Variants in GABRB2 observed in about 807,000 individuals in gnomAD.
GABRB2 encodes gamma-aminobutyric acid receptor subunit beta-2.
GABRB2 carries 16 observed loss-of-function variants against 54.7 expected under a neutral mutation model. The ratio of observed to expected loss-of-function variants is 0.29; its 90% CI spans 0.20 to 0.44. The LOEUF is 0.44. GABRB2 is among the 20% of genes least tolerant of loss of function. The probability of loss-of-function intolerance (pLI) is 1.00; values close to 1 mark genes in which losing one functional copy is unlikely to be tolerated. For synonymous variants in GABRB2, 244 were observed against 233.8 expected, an observed-to-expected ratio of 1.04 and a Z score of -0.40; for missense variants, 355 against 644.0, an observed-to-expected ratio of 0.55 and a Z score of 4.86.
intron 3 of GABRB2, among the ~76,000 whole-genome samples, chr5:161,532,459 G>A (rs928425960): frequency 7.9e-5 from 12 of 151,986 alleles, no homozygotes; most frequent in East Asian, 1.9e-4. Context: ...ACGCCATCTC[G>A]GACCTACTGA....
chr5:161,525,413 G>A (rs1038728832), intron 3 of GABRB2, among the ~76,000 whole-genome samples: 1 of 151,132 alleles, frequency 6.6e-6, no homozygotes, highest in Non-Finnish European at 1.5e-5. Flanking sequence ...AGTAAAAAAG[G>A]TCTTTCAATT....
At chr5:161,346,763 A>T (rs1031300394) in intron 5 of GABRB2, among the ~76,000 whole-genome samples, 4 of 152,150 alleles carry the variant, frequency 2.6e-5, no homozygotes, top group Non-Finnish European at 5.9e-5. Flanking sequence ...ATGAACCCTT[A>T]TCTGTGCTAT....
At chr5:161,306,991 A>G (rs2113355873) in intron 9 of GABRB2, among the ~76,000 whole-genome samples, 1 of 152,342 alleles carries the variant, frequency 6.6e-6, no homozygotes, top group East Asian at 1.9e-4. Flanking sequence ...ACTAACTGCA[A>G]AAAGCATTTA....
chr5:161,527,305 A>G (rs868748877), intron 3 of GABRB2, among the ~76,000 whole-genome samples: 36 of 151,558 alleles, frequency 2.4e-4, no homozygotes, highest in African/African-American at 8.0e-4. Context: ...CTACCTGTCT[A>G]CCTATCAGTA....
chr5:161,525,885 T>A (rs560764508), intron 3 of GABRB2, among the ~76,000 whole-genome samples: 31 of 151,310 alleles, frequency 2.0e-4, no homozygotes, highest in African/African-American at 7.5e-4. Context: ...TACCCAAATT[T>A]ATATATATAT....
chr5:161,360,007 G>A (rs374087437), intron 5 of GABRB2, among the ~76,000 whole-genome samples: 12 of 152,070 alleles, frequency 7.9e-5, no homozygotes, highest in African/African-American at 2.4e-4. Context: ...CTTGAACCCC[G>A]GAGGCGGAGG....
intron 5 of GABRB2, among the ~76,000 whole-genome samples, chr5:161,370,874 G>A (rs1311178358): frequency 6.6e-6 from 1 of 152,130 alleles, no homozygotes; most frequent in East Asian, 1.9e-4. Flanking sequence ...ATGTGAACAA[G>A]TAACCCCAGA....
intron 3 of GABRB2, among the ~76,000 whole-genome samples, chr5:161,501,896 C>T (rs990763943): frequency 6.7e-6 from 1 of 148,162 alleles, no homozygotes; most frequent in African/African-American, 2.5e-5. Context: ...TCTTAATAAA[C>T]ATTTCATTAT....
intron 3 of GABRB2, among the ~76,000 whole-genome samples, chr5:161,492,926 CA>C (rs968919416): frequency 1.1e-4 from 16 of 151,634 alleles, no homozygotes; most frequent in African/African-American, 3.9e-4. Context: ...TTTCTTCTCC[CA>C]TTGACAGATT....
At chr5:161,546,268 C>T in intron 2 of GABRB2, 54 bp downstream of exon 2, 1 of 1,453,022 alleles carries the variant, frequency 6.9e-7, no homozygotes, top group Non-Finnish European at 9.7e-7. Context: ...GCGCACAAAG[C>T]TCAAAAGACA....
chr5:161,456,948 C>T (rs1561656984), intron 4 of GABRB2, among the ~76,000 whole-genome samples: 1 of 152,050 alleles, frequency 6.6e-6, no homozygotes, highest in Non-Finnish European at 1.5e-5. Context: ...TAAAATGGAG[C>T]TAGAAATTAA....
At chr5:161,327,058 A>G in intron 8 of GABRB2, 1 of 605,268 alleles carries the variant, frequency 1.7e-6, no homozygotes, top group Non-Finnish European at 2.1e-6. Context: ...ACACACACAC[A>G]CACACACACA....
chr5:161,316,715 G>A lies in GABRB2; in HGVS notation c.1191+9653C>T, dbSNP rs185776598. 1.4e-3 allele frequency among the ~76,000 whole-genome samples: 214 copies of A among 152,064 alleles called. 1 individual carries two copies. Among genetic ancestry groups the A allele is most frequent in the African/African-American group, 4.8e-3 (201 of 41,490 alleles). ...CCACCTCCATCTCCTGGGTTCAAGC[G>A]ATTCTCCTGCCTCAGCCTCCTGAGT... On this transcript the variant is annotated intron_variant, in intron 9 of 9. Transcript: ENST00000393959.
chr5:161,311,842 A>C (rs959772083), intron 9 of GABRB2, among the ~76,000 whole-genome samples: 2 of 152,230 alleles, frequency 1.3e-5, no homozygotes, highest in Non-Finnish European at 1.5e-5. Context: ...AAAGATGAAG[A>C]AGCACGGGGC....
chr5:161,389,123 T>A (rs538288388), intron 5 of GABRB2, among the ~76,000 whole-genome samples: 1 of 152,154 alleles, frequency 6.6e-6, no homozygotes, highest in Admixed American at 6.6e-5. Context: ...ATTGTTAAAC[T>A]AGACAATGTG....
intron 5 of GABRB2, among the ~76,000 whole-genome samples, chr5:161,396,238 T>A (rs1459735785): frequency 6.6e-6 from 1 of 152,148 alleles, no homozygotes; most frequent in African/African-American, 2.4e-5. Flanking sequence ...GTAAACCCCA[T>A]CCATTCCTTC....
intron 5 of GABRB2, among the ~76,000 whole-genome samples, chr5:161,354,763 T>G (rs1405172483): frequency 6.6e-6 from 1 of 152,086 alleles, no homozygotes; most frequent in Non-Finnish European, 1.5e-5. Flanking sequence ...TTGATCTGAC[T>G]GTGTTCCTGC....
chr5:161,359,466 C>G (rs1386055647), intron 5 of GABRB2, among the ~76,000 whole-genome samples: 1 of 151,536 alleles, frequency 6.6e-6, no homozygotes, highest in African/African-American at 2.4e-5. Context: ...CACACACACA[C>G]AGAGATTGCT....
chr5:161,456,913 T>A (rs562086637), intron 4 of GABRB2, among the ~76,000 whole-genome samples: 18 of 152,252 alleles, frequency 1.2e-4, no homozygotes, highest in African/African-American at 4.3e-4. Context: ...ACTGTAACAA[T>A]AGAATAATAT....
Sources: allele counts gnomAD v4.1 joint callset (sites outside exome capture counted in the v4.1 genomes callset), GRCh38; gene constraint gnomAD v4.1.1; transcripts MANE v1.5; gene names NCBI Gene and HGNC (gene_info 2026-07-23, HGNC 2026-07-21).